The following ESR1 variants were observed in gnomAD, a reference collection of about 807,000 sequenced individuals.
ESR1 encodes estrogen receptor 1.
Under a neutral mutation model 52.7 loss-of-function variants are expected in ESR1, and 12 were observed. The observed-to-expected ratio is 0.23, with a 90% CI of 0.15 to 0.37. ESR1 has a LOEUF of 0.37. Ranked by LOEUF, ESR1 falls within the 10% of genes least tolerant of loss-of-function variation. The pLI, the probability that ESR1 is intolerant of heterozygous loss-of-function variation, is 1.00. For synonymous variants in ESR1, 305 were observed against 316.8 expected (o/e 0.96, Z 0.39); for missense variants, 584 against 779.7 (o/e 0.75, Z 2.99).
intron 5 of ESR1, among the ~76,000 whole-genome samples, chr6:152,032,112 A>G (rs1180761456): frequency 6.6e-6 from 1 of 152,212 alleles, no homozygotes; most frequent in Non-Finnish European, 1.5e-5. Context: ...AAAAACTCTC[A>G]ATAAATTAGG....
intron 3 of ESR1, among the ~76,000 whole-genome samples, chr6:151,901,165 A>G (rs1796619398): frequency 6.6e-6 from 1 of 152,076 alleles, no homozygotes; most frequent in African/African-American, 2.4e-5. Flanking sequence ...CAATGGAGTT[A>G]TGTTCCCAGA....
At chr6:151,918,551 T>C (rs565763259) in intron 3 of ESR1, among the ~76,000 whole-genome samples, 1 of 152,346 alleles carries the variant, frequency 6.6e-6, no homozygotes, top group Non-Finnish European at 1.5e-5. Context: ...TACCCATAAA[T>C]ATGCTAGTTT....
At chr6:151,967,066 C>T (rs2038351132) in intron 4 of ESR1, among the ~76,000 whole-genome samples, 1 of 152,196 alleles carries the variant, frequency 6.6e-6, no homozygotes, top group South Asian at 2.1e-4. Flanking sequence ...GGGGAAGAAT[C>T]TGATCCCACC....
At chr6:151,959,010 G>A (rs981100062) in intron 4 of ESR1, among the ~76,000 whole-genome samples, 6 of 151,822 alleles carry the variant, frequency 4.0e-5, no homozygotes, top group African/African-American at 1.2e-4. Flanking sequence ...GTGTGTTTAC[G>A]GAGAGGAGTT....
At chr6:151,791,543 T>C (rs2128132318) in intron 2 of ESR1, among the ~76,000 whole-genome samples, 1 of 152,306 alleles carries the variant, frequency 6.6e-6, no homozygotes, top group South Asian at 2.1e-4. Flanking sequence ...GACTAATACA[T>C]GAGCCACATT....
chr6:151,940,576 GC>G (rs1307879779), intron 3 of ESR1, among the ~76,000 whole-genome samples: 1 of 152,106 alleles, frequency 6.6e-6, no homozygotes, highest in Non-Finnish European at 1.5e-5. Context: ...CTACAACTAA[GC>G]CATCTAAGTA....
At chr6:151,666,144 G>T (rs1330737885) in intron 1 of ESR1, among the ~76,000 whole-genome samples, 1 of 152,198 alleles carries the variant, frequency 6.6e-6, no homozygotes, top group African/African-American at 2.4e-5. Flanking sequence ...ATTTAAAGCT[G>T]TAGAGGGGAA....
chr6:151,944,655 T>C (rs1350535372), intron 4 of ESR1, 147 bp downstream of exon 4: 2 of 705,238 alleles, frequency 2.8e-6, no homozygotes, highest in Non-Finnish European at 2.5e-6. Context: ...ATTTTCAGTA[T>C]CAATACACTG....
At chr6:151,779,497 A>G (rs966072116) in intron 2 of ESR1, among the ~76,000 whole-genome samples, 4 of 152,214 alleles carry the variant, frequency 2.6e-5, no homozygotes, top group Non-Finnish European at 5.9e-5. Context: ...CACTAGTCAG[A>G]ATGGTTGTTA....
intron 2 of ESR1, among the ~76,000 whole-genome samples, chr6:151,850,102 A>ATATACAAAATTATATATATATTATTT (rs1562474769): frequency 2.1e-4 from 1 of 4,852 alleles, no homozygotes; most frequent in Non-Finnish European, 1.1e-3. Flanking sequence ...AATTTTATAT[A>ATATACAAAATTATATATATATTATTT]TATATACAAA....
chr6:151,956,843 A>AATAAATATATATAT (rs1554293623), intron 4 of ESR1, among the ~76,000 whole-genome samples: 89 of 44,468 alleles, frequency 2.0e-3, no homozygotes, highest in South Asian at 0.015. Flanking sequence ...AATATAAATA[A>AATAAATATATATAT]ATATATATAT....
At chr6:151,663,992 G>A (rs1169880518) in intron 1 of ESR1, among the ~76,000 whole-genome samples, 1 of 152,172 alleles carries the variant, frequency 6.6e-6, no homozygotes, top group Non-Finnish European at 1.5e-5. Flanking sequence ...GTTGTTTAAA[G>A]ATGTTCTTTC....
intron 2 of ESR1, among the ~76,000 whole-genome samples, chr6:151,849,980 A>T (rs1786012573): frequency 3.1e-4 from 2 of 6,350 alleles, no homozygotes; most frequent in East Asian, 3.0e-3. Flanking sequence ...CTAGGGAATT[A>T]TATATATATA....
At chr6:151,658,808 T>G (rs2094594548) in intron 1 of ESR1, among the ~76,000 whole-genome samples, 1 of 152,148 alleles carries the variant, frequency 6.6e-6, no homozygotes. Flanking sequence ...TATTTACAGA[T>G]AAGGAAGCTG....
At chr6:152,077,248 G>A (rs796359482) in intron 6 of ESR1, among the ~76,000 whole-genome samples, 3 of 152,306 alleles carry the variant, frequency 2.0e-5, no homozygotes, top group African/African-American at 7.2e-5. Flanking sequence ...AACCTTGGCA[G>A]CTTTCATGTG....
At chr6:151,697,229 A>C (rs1220078522) in intron 1 of ESR1, among the ~76,000 whole-genome samples, 1 of 152,218 alleles carries the variant, frequency 6.6e-6, no homozygotes, top group Non-Finnish European at 1.5e-5. Context: ...GGGAGGTGTC[A>C]CACCATTAAA....
intron 2 of ESR1, among the ~76,000 whole-genome samples, chr6:151,760,015 A>C (rs1784556625): frequency 6.6e-6 from 1 of 152,246 alleles, no homozygotes; most frequent in Non-Finnish European, 1.5e-5. Flanking sequence ...ATGGTTTATT[A>C]AACAACCTAA....
At chr6:151,991,483 C>T (rs534488162) in intron 4 of ESR1, among the ~76,000 whole-genome samples, 6 of 151,226 alleles carry the variant, frequency 4.0e-5, no homozygotes, top group African/African-American at 1.2e-4. Context: ...GCTCCAAATA[C>T]GGTTGAAGGA....
chr6:151,962,343 A>C (rs985192), intron 4 of ESR1, among the ~76,000 whole-genome samples: 115,266 of 151,952 alleles, frequency 0.76, 44,082 homozygotes, highest in Middle Eastern at 0.87. Context: ...CTAAGCCATC[A>C]TAGTTCTGCC....
Sources: allele counts gnomAD v4.1 joint callset (sites outside exome capture counted in the v4.1 genomes callset), GRCh38; gene constraint gnomAD v4.1.1; transcripts MANE v1.5; gene names NCBI Gene and HGNC (gene_info 2026-07-23, HGNC 2026-07-21).